AFF3: variants seen among roughly 807,000 people sequenced by gnomAD.
AFF3 encodes AF4/FMR2 family member 3.
Under a neutral mutation model 129.7 loss-of-function variants are expected in AFF3, and 32 were observed. The observed-to-expected ratio is 0.25, with a 90% CI of 0.19 to 0.33. The LOEUF is 0.33. Ranked by LOEUF, AFF3 falls within the 10% of genes least tolerant of loss-of-function variation. The pLI, the probability that AFF3 is intolerant of heterozygous loss-of-function variation, is 1.00. For synonymous variants in AFF3, 644 were observed against 635.4 expected, an observed-to-expected ratio of 1.01 and a Z score of -0.20; for missense variants, 1,373 against 1,592.0, an observed-to-expected ratio of 0.86 and a Z score of 2.34.
chr2:99,739,806 TA>T lies in AFF3; in HGVS notation c.1039+4297del, dbSNP rs1451936771. ...TCAGTATTTCTCTATTTCTTTTTTT[TA>T]ATTTTTATTTTATTATTATTATACT... On this transcript the variant is annotated intron_variant, in intron 10 of 24. Coordinates refer to ENST00000672756, the MANE Select transcript of AFF3 (RefSeq NM_001386135.1). Among the ~76,000 whole-genome samples the T allele has an allele frequency of 1.2e-3, 177 of 152,214 alleles. 1 individual carries two copies. The highest frequency in any genetic ancestry group is 4.0e-3 in the African/African-American group (167 of 41,548).
At position 100,065,632 on chromosome 2, in the gene AFF3, T is replaced by TA. The variant is rs763741880; in HGVS notation, c.53+38769dup. Among the ~76,000 whole-genome samples the TA allele has an allele frequency of 5.3e-5, 8 of 152,352 alleles. No individual in the cohort carries two copies. In the South Asian group the frequency reaches 8.3e-4, roughly 16 times the overall value. On this transcript the variant is annotated intron_variant, in intron 4 of 24. Coordinates refer to ENST00000672756, the MANE Select transcript of AFF3 (RefSeq NM_001386135.1). The stretch of plus-strand genomic sequence containing the variant: ...ATGACTAAAACATGAATTCTAGGAT[T>TA]AACATTAAAATAATTTTGGGACAGA...
intron 7 of AFF3, among the ~76,000 whole-genome samples, chr2:99,996,659 C>T (rs2104638494): frequency 6.6e-6 from 1 of 151,356 alleles, no homozygotes; most frequent in East Asian, 1.9e-4. Context: ...GGATTACGGG[C>T]GTGAGCCACC....
chr2:99,755,052 A>C (rs900863986), intron 8 of AFF3, among the ~76,000 whole-genome samples: 5 of 152,000 alleles, frequency 3.3e-5, no homozygotes, highest in Admixed American at 2.0e-4. Flanking sequence ...ATAACCACCC[A>C]ACCTCAAAAG....
intron 8 of AFF3, among the ~76,000 whole-genome samples, chr2:99,823,651 C>A (rs1386394947): frequency 2.0e-5 from 3 of 152,122 alleles, no homozygotes; most frequent in African/African-American, 7.2e-5. Flanking sequence ...AATGAGTAGT[C>A]ATATGTTCTT....
intron 7 of AFF3, among the ~76,000 whole-genome samples, chr2:99,993,865 G>C (rs1183417925): frequency 7.3e-6 from 1 of 137,314 alleles, no homozygotes; most frequent in East Asian, 2.2e-4. Flanking sequence ...GAGTGCAATG[G>C]TGTGATCTCG....
chr2:99,655,512 C>G (rs542203201), intron 12 of AFF3, among the ~76,000 whole-genome samples: 133 of 152,206 alleles, frequency 8.7e-4, no homozygotes, highest in African/African-American at 3.0e-3. Context: ...GATCCTGGCT[C>G]AGCTGAAGAA....
At chr2:99,942,539 G>T (rs1305193368) in intron 7 of AFF3, among the ~76,000 whole-genome samples, 1 of 137,076 alleles carries the variant, frequency 7.3e-6, no homozygotes, top group East Asian at 2.6e-4. Flanking sequence ...ATTAAGTGGG[G>T]GGAGGGGCGG....
rs376499472 is a variant in AFF3, at chr2:99,560,430, A to G, written c.3126T>C (p.Ala1042=). Residue 1042 remains alanine, a synonymous_variant, in exon 21 of 25, where the codon GCT becomes GCC. Coordinates refer to ENST00000672756, the MANE Select transcript of AFF3 (RefSeq NM_001386135.1). Reference sequence around the variant, plus strand: ...GGCCTGAGTGGGTTTTTAGTCTCATAGCATACCTTAGAAAAAGCGGGGAGG... The same window carrying G: ...GGCCTGAGTGGGTTTTTAGTCTCATGGCATACCTTAGAAAAAGCGGGGAGG... ...YSETVELIRY[A]MRLKTHSGPN... 8 of 1,613,554 alleles carry G rather than the reference A, an allele frequency of 5.0e-6. No individual in the cohort carries two copies. Among genetic ancestry groups the G allele is most frequent in the African/African-American group, 1.3e-5 (1 of 75,036 alleles).
At chr2:99,984,772 GC>G (rs1679717796) in intron 7 of AFF3, among the ~76,000 whole-genome samples, 1 of 150,238 alleles carries the variant, frequency 6.7e-6, no homozygotes, top group Admixed American at 6.7e-5. Flanking sequence ...ACACTTAACA[GC>G]CCCCTCATTT....
chr2:99,918,655 T>C (rs1043917739), intron 7 of AFF3, among the ~76,000 whole-genome samples: 1 of 152,206 alleles, frequency 6.6e-6, no homozygotes, highest in Non-Finnish European at 1.5e-5. Flanking sequence ...CAATGACTGT[T>C]ACAGTCAGTG....
In AFF3 at chr2:99,546,777, G is replaced by C; in HGVS notation, c.*4697C>G. 1 of 216,494 alleles carries C rather than the reference G, an allele frequency of 4.6e-6. No individual in the cohort carries two copies. Among genetic ancestry groups the C allele is most frequent in the East Asian group, 6.8e-5 (1 of 14,766 alleles). 13.4% of individuals were successfully genotyped at this position (216,494 alleles called of 1,614,324 possible). On this transcript the variant is annotated 3_prime_UTR_variant, in exon 25 of 25. Transcript: ENST00000672756. ...ATTCCACCATGTTGGTTTCAGTTGT[G>C]TGCAGTTCCCTGACTGCACACAAGT... is the stretch of plus-strand genomic sequence containing the variant.
intron 11 of AFF3, among the ~76,000 whole-genome samples, chr2:99,701,992 C>A (rs925361234): frequency 6.6e-6 from 1 of 152,204 alleles, no homozygotes; most frequent in South Asian, 2.1e-4. Flanking sequence ...ATGTATTAAC[C>A]GTTCATTCCT....
chr2:99,608,346 C>A (rs1312888496), intron 13 of AFF3, among the ~76,000 whole-genome samples: 1 of 152,196 alleles, frequency 6.6e-6, no homozygotes, highest in Admixed American at 6.5e-5. Flanking sequence ...ATGTTTCCTC[C>A]TCTGAGTCCC....
chr2:99,673,996 A>T (rs910673328), intron 11 of AFF3, among the ~76,000 whole-genome samples: 3 of 152,210 alleles, frequency 2.0e-5, no homozygotes, highest in Admixed American at 1.3e-4. Flanking sequence ...TATGCTCCCC[A>T]GTTTCGTCAA....
At chr2:99,757,443 CATA>C (rs762383900) in intron 8 of AFF3, among the ~76,000 whole-genome samples, 8 of 152,226 alleles carry the variant, frequency 5.3e-5, no homozygotes, top group Non-Finnish European at 1.0e-4. Context: ...CTCCCTCTCT[CATA>C]ATAATAACAA....
At chr2:99,749,946 C>T (rs1681492098) in intron 9 of AFF3, among the ~76,000 whole-genome samples, 1 of 152,122 alleles carries the variant, frequency 6.6e-6, no homozygotes, top group Admixed American at 6.5e-5. Context: ...TGGGCTATTA[C>T]ACTGATAGTA....
rs2104434366 is a variant in AFF3 at position 99,548,723 on chromosome 2, A to T, written c.*2751T>A. ...GCGCCACCGCATTCCAGCTTGGGCTACAGAGCCAGACCCGGTCTCAAAACC... is the reference window on the plus strand; with the variant it reads ...GCGCCACCGCATTCCAGCTTGGGCTTCAGAGCCAGACCCGGTCTCAAAACC... On this transcript the variant is annotated 3_prime_UTR_variant, in exon 25 of 25. Transcript: ENST00000672756. 4.4e-6 allele frequency: 1 copy of T among 228,844 alleles called. No individual in the cohort carries two copies. Among genetic ancestry groups the T allele is most frequent in the East Asian group, 6.2e-5 (1 of 16,060 alleles). 14.2% of individuals were successfully genotyped at this position (228,844 alleles called of 1,614,324 possible). A position where few individuals can be genotyped will look rare whatever the true frequency, so the allele number is the denominator to read the frequency against.
At chr2:99,824,094 A>C (rs1224054338) in intron 8 of AFF3, among the ~76,000 whole-genome samples, 1 of 152,154 alleles carries the variant, frequency 6.6e-6, no homozygotes, top group Non-Finnish European at 1.5e-5. Flanking sequence ...AATAAGATTA[A>C]AATTATTAAA....
rs149091670 is a variant in AFF3 at position 99,565,564 on chromosome 2, A to G, written c.3042T>C (p.Cys1014=). The G allele has an allele frequency of 9.7e-5, 156 of 1,614,186 alleles. 1 individual carries two copies. In the African/African-American group the frequency reaches 2.0e-3, roughly 21 times the overall value. Residue 1014 remains cysteine, a synonymous_variant, in exon 20 of 25, where the codon TGT becomes TGC. Coordinates refer to ENST00000672756, the MANE Select transcript of AFF3 (RefSeq NM_001386135.1). ...YAEAALSFIE[C]GNAMEQGPME... is the part of the protein sequence containing the mutation. ...TGGGGCCTTGTTCCATTGCATTTCC[A>G]CACTCGATAAACGACAATGCTGCTT...
Sources: gnomAD v4.1 joint callset for allele counts (sites outside exome capture counted in the v4.1 genomes callset) on GRCh38, gnomAD v4.1.1 for gene constraint, MANE v1.5 for transcripts, NCBI Gene and HGNC (gene_info 2026-07-23, HGNC 2026-07-21) for gene names.